CACNA1G: variants seen among roughly 807,000 people sequenced by gnomAD.
CACNA1G encodes the protein calcium voltage-gated channel subunit alpha1 G, also known as voltage-dependent T-type calcium channel subunit alpha-1G.
A neutral mutation model predicts 219.4 loss-of-function variants in CACNA1G; 67 were observed. The ratio of observed to expected loss-of-function variants is 0.31; its 90% confidence interval spans 0.25 to 0.37. The LOEUF (loss-of-function observed/expected upper bound fraction) is 0.37, where lower values mean the gene tolerates loss of function less well. Among genes scored for constraint, CACNA1G ranks in the 10% least tolerant of loss-of-function variants. The pLI is 1.00. For missense variants in CACNA1G, 2,380 were observed against 3,231.4 expected, an observed-to-expected ratio of 0.74 and a Z score of 6.39; for synonymous variants, 1,296 against 1,345.3, an observed-to-expected ratio of 0.96 and a Z score of 0.80.
chr17:50,567,330 G>A, intron 1 of CACNA1G, among the ~76,000 whole-genome samples: 1 of 152,194 alleles, frequency 6.6e-6, no homozygotes, highest in East Asian at 1.9e-4. Flanking sequence ...CAGGTGGCGA[G>A]CAGGCATGTG....
chr17:50,592,547 C>T (rs1375190935), intron 13 of CACNA1G, among the ~76,000 whole-genome samples: 1 of 152,220 alleles, frequency 6.6e-6, no homozygotes, highest in Non-Finnish European at 1.5e-5. Context: ...CAGGGCTGAG[C>T]TGCCCAGGGT....
intron 27 of CACNA1G, 109 bp from the exon 28 acceptor site, chr17:50,616,166 C>T: frequency 6.1e-6 from 4 of 656,270 alleles, no homozygotes; most frequent in South Asian, 1.9e-5. Flanking sequence ...GACAGGGCTC[C>T]TTGGAGTTCC....
chr17:50,571,240 G>A lies in CACNA1G; in HGVS notation c.587-638G>A, dbSNP rs1351281037. Among the ~76,000 whole-genome samples, 1 of 152,212 alleles carries A rather than the reference G, an allele frequency of 6.6e-6. No individual in the cohort carries two copies. The highest frequency in any genetic ancestry group is 1.9e-4 in the East Asian group (1 of 5,186). On this transcript the variant is annotated intron_variant, in intron 4 of 37. Transcript: ENST00000359106. This position sits in a 1 kb window ranked among gnomAD's most constrained non-coding sequence, Gnocchi z 4.3. ...TAGTTTCAGGGAAGCAGGGCTCAGA[G>A]CCATAGTGAAGCACAGGGCATCTTG...
chr17:50,609,037 T>G (rs2048590456), intron 25 of CACNA1G, among the ~76,000 whole-genome samples: 1 of 152,208 alleles, frequency 6.6e-6, no homozygotes, highest in African/African-American at 2.4e-5. Context: ...TCTTCACCTT[T>G]TCACAAATCG....
In CACNA1G at chr17:50,626,689, C is replaced by T; in HGVS notation, c.7072C>T (p.Pro2358Ser). The T allele has an allele frequency of 6.2e-7, 1 of 1,613,282 alleles. No individual in the cohort carries two copies. Residue 2358 changes from proline to serine, a missense_variant, in exon 38 of 38, where the codon CCA becomes TCA. By Grantham distance (74) the Pro-to-Ser change is moderately conservative. Around this residue, in one of 17 missense-constraint regions of CACNA1G, gnomAD observed 672 missense variants for 670.5 expected, o/e 1.00. Coordinates refer to ENST00000359106, the MANE Select transcript of CACNA1G (RefSeq NM_018896.5). The surrounding 1 kb of genome is among the most constrained non-coding windows in gnomAD (Gnocchi z 4.3). ...PPDSMAASPS[P>S]KKDVLSLSGL... ...TGACAGCATGGCTGCCTCGCCCTCC[C>T]CAAAGAAAGATGTGCTGAGTCTCTC... is the stretch of plus-strand genomic sequence containing the variant.
chr17:50,572,627 C>G lies in CACNA1G; in HGVS notation c.820C>G (p.Pro274Ala). 1 of 1,596,766 alleles carries G rather than the reference C, an allele frequency of 6.3e-7. No homozygotes were observed. Among genetic ancestry groups the G allele is most frequent in the South Asian group, 1.1e-5 (1 of 88,518 alleles). The change falls in exon 6 of 38, where the codon CCA becomes GCA. Residue 274 changes from proline to alanine, a missense_variant. By Grantham distance (27) the Pro-to-Ala change is conservative. Transcript: ENST00000359106. ...TGAGAGCCCCTTCATCTGCTCCCAG[C>G]CACGCGAGAACGGCATGCGGTCCTG... ...EDESPFICSQ[P>A]RENGMRSCRS...
chr17:50,606,241 A>T, intron 23 of CACNA1G: 1 of 738,358 alleles, frequency 1.4e-6, no homozygotes. Flanking sequence ...GTCCTTAAAG[A>T]TGAAGAAACA....
In CACNA1G at chr17:50,600,757, G is replaced by A. The variant is rs781472504; in HGVS notation, c.3722G>A (p.Arg1241Gln). ...GGGGAACGGGTCCGCGCGTGGATCC[G>A]AGCCCGACTCCCTGCCTGCTGCCTC... ...SKGERVRAWI[R>Q]ARLPACCLER... The change falls in exon 18 of 38, where the codon CGA becomes CAA. Residue 1241 changes from arginine (R) to glutamine (Q), a missense_variant. Arg to Gln is a conservative substitution (Grantham distance 43, BLOSUM62 1). Transcript: ENST00000359106. This position sits in a 1 kb window ranked among gnomAD's most constrained non-coding sequence, Gnocchi z 4.1. The A allele has an allele frequency of 3.1e-6, 5 of 1,613,696 alleles. No individual in the cohort carries two copies. The highest frequency in any genetic ancestry group is 1.7e-5 in the Admixed American group (1 of 60,010).
chr17:50,608,459 G>A (rs1398825487), intron 25 of CACNA1G, among the ~76,000 whole-genome samples: 1 of 149,750 alleles, frequency 6.7e-6, no homozygotes, highest in East Asian at 2.0e-4. Flanking sequence ...TCTCAGTAAT[G>A]GACAACAGCG....
chr17:50,595,016 G>C lies in CACNA1G; in HGVS notation c.2934G>C (p.Ala978=). ...AGGAAATCAGCAAACGGGAAGATGC[G>C]AGTGGACAGTTAAGCTGTATTCAGC... ...QAEEISKRED[A]SGQLSCIQLP... is the part of the protein sequence containing the mutation. The change falls in exon 14 of 38, where the codon GCG becomes GCC. Residue 978 remains alanine, a synonymous_variant. Coordinates refer to ENST00000359106, the MANE Select transcript of CACNA1G (RefSeq NM_018896.5). 6.4e-7 allele frequency: 1 copy of C among 1,554,402 alleles called. No homozygotes were observed. The highest frequency in any genetic ancestry group is 8.7e-7 in the Non-Finnish European group (1 of 1,148,504).
At chr17:50,583,584 G>T (rs981847832) in intron 9 of CACNA1G, among the ~76,000 whole-genome samples, 2 of 151,556 alleles carry the variant, frequency 1.3e-5, no homozygotes, top group Non-Finnish European at 2.9e-5. Context: ...GCTCTCCTTC[G>T]GAAGGGCTTC....
At chr17:50,597,762 A>G (rs543162909) in intron 16 of CACNA1G, among the ~76,000 whole-genome samples, 1 of 152,316 alleles carries the variant, frequency 6.6e-6, no homozygotes, top group South Asian at 2.1e-4. Context: ...GAAACTTCGT[A>G]TCCTTTGGCT....
intron 2 of CACNA1G, 65 bp from the exon 3 acceptor site, chr17:50,569,100 G>A: frequency 6.3e-7 from 1 of 1,582,826 alleles, no homozygotes; most frequent in Non-Finnish European, 8.6e-7. Context: ...TGGGGACTAG[G>A]GTGGGACTAG....
chr17:50,562,967 A>G (rs2036341301), intron 1 of CACNA1G, among the ~76,000 whole-genome samples: 2 of 152,172 alleles, frequency 1.3e-5, no homozygotes. Context: ...TGTTGCTGCC[A>G]TCTCAGGTCT....
chr17:50,611,034 T>C (rs2049082442), intron 26 of CACNA1G, among the ~76,000 whole-genome samples: 3 of 151,970 alleles, frequency 2.0e-5, no homozygotes, highest in Admixed American at 2.0e-4. Context: ...GGCGGGCAGA[T>C]CATGAGGTCA....
chr17:50,570,602 C>A (rs1212601917), intron 4 of CACNA1G, among the ~76,000 whole-genome samples: 1 of 50,392 alleles, frequency 2.0e-5, no homozygotes, highest in Non-Finnish European at 4.1e-5. Flanking sequence ...GTTGCTGCTG[C>A]CCCTGGGAGG....
intron 21 of CACNA1G, 23 bp from the exon 22 acceptor site, chr17:50,604,132 A>G: frequency 1.9e-6 from 3 of 1,604,386 alleles, no homozygotes; most frequent in Non-Finnish European, 2.6e-6. Context: ...AAGCCTTATC[A>G]CCTCCCTCCC....
chr17:50,588,131 G>A (rs906735584), intron 9 of CACNA1G, among the ~76,000 whole-genome samples: 5 of 152,106 alleles, frequency 3.3e-5, no homozygotes, highest in African/African-American at 4.8e-5. Context: ...CATTATAAGC[G>A]TACCTCAGCT....
At chr17:50,562,290 A>T (rs1225985417) in intron 1 of CACNA1G, among the ~76,000 whole-genome samples, 1 of 151,858 alleles carries the variant, frequency 6.6e-6, no homozygotes, top group African/African-American at 2.4e-5. Flanking sequence ...CTAGAAGGAG[A>T]TGTTGGGGGG....
Sources: allele counts gnomAD v4.1 joint callset (sites outside exome capture counted in the v4.1 genomes callset), GRCh38; gene constraint gnomAD v4.1.1; regional missense constraint gnomAD v4.1.1; non-coding constraint Gnocchi (gnomAD v3.1); transcripts MANE v1.5; gene names NCBI Gene and HGNC (gene_info 2026-07-23, HGNC 2026-07-21).